The following PRKN variants were observed in gnomAD, a reference collection of about 807,000 sequenced individuals.
PRKN encodes E3 ubiquitin-protein ligase parkin.
A neutral mutation model predicts 59.5 loss-of-function variants in PRKN; 56 were observed. The ratio of observed to expected loss-of-function variants is 0.94; its 90% CI spans 0.76 to 1.18. The LOEUF is 1.18. Among genes scored for constraint, PRKN ranks in the 50% most tolerant of loss-of-function variants. The pLI, the probability that PRKN is intolerant of heterozygous loss-of-function variation, is 0.00. For missense variants in PRKN, 657 were observed against 596.4 expected (o/e 1.10, Z -1.06); for synonymous variants, 250 against 222.1 (o/e 1.13, Z -1.12).
chr6:161,932,139 T>TA lies in PRKN; in HGVS notation c.734+41162dup, dbSNP rs970296150. 4.3e-4 allele frequency among the ~76,000 whole-genome samples: 65 copies of TA among 152,068 alleles called. 1 individual carries two copies. Among genetic ancestry groups the TA allele is most frequent in the Admixed American group, 3.9e-3 (59 of 15,278 alleles). On this transcript the variant is annotated intron_variant, in intron 6 of 11. Coordinates refer to ENST00000366898, the MANE Select transcript of PRKN (RefSeq NM_004562.3). Reference sequence around the variant, plus strand: ...TTATTATAAAAAATTCAGAAATATTTAAAAAAATCTCAGTTAACATAATTA... The same window carrying TA: ...TTATTATAAAAAATTCAGAAATATTTAAAAAAAATCTCAGTTAACATAATTA...
chr6:162,010,520 TATATA>T lies in PRKN; in HGVS notation c.619-37108_619-37104del, dbSNP rs1470583815. Among the ~76,000 whole-genome samples, 2 of 24,848 alleles carry T rather than the reference TATATA, an allele frequency of 8.0e-5. 1 individual carries two copies. The highest frequency in any genetic ancestry group is 1.1e-4 in the Non-Finnish European group (2 of 17,698). 16.3% of individuals were successfully genotyped at this position (24,848 alleles called of 152,430 possible). A position where few individuals can be genotyped will look rare whatever the true frequency, so the allele number is the denominator to read the frequency against. The stretch of plus-strand genomic sequence containing the variant: ...TTATATAATATATTATATTATATAT[TATATA>T]ATATATTATATAATGTATTATATTA... On this transcript the variant is annotated intron_variant, in intron 5 of 11. Coordinates refer to ENST00000366898, the MANE Select transcript of PRKN (RefSeq NM_004562.3).
In PRKN at chr6:161,832,800, C is replaced by T. The variant is rs1792563007; in HGVS notation, c.735-46892G>A. Among the ~76,000 whole-genome samples the T allele has an allele frequency of 3.9e-5, 6 of 152,062 alleles. No individual in the cohort carries two copies. The South Asian group carries it at 1.2e-3, about 32-fold the overall frequency. ...TTCTCTACGGTCTGTCTGGAGAAAGCTTTGTGGCGGCGCCTGTGCCCTGCA... is the reference window on the plus strand; with the variant it reads ...TTCTCTACGGTCTGTCTGGAGAAAGTTTTGTGGCGGCGCCTGTGCCCTGCA... On this transcript the variant is annotated intron_variant, in intron 6 of 11. Coordinates refer to ENST00000366898, the MANE Select transcript of PRKN (RefSeq NM_004562.3).
chr6:162,406,772 C>T (rs1438419577), intron 2 of PRKN, among the ~76,000 whole-genome samples: 4 of 152,150 alleles, frequency 2.6e-5, no homozygotes, highest in African/African-American at 9.7e-5. Context: ...CTTCTCCTCC[C>T]CTCTTCCACA....
chr6:162,482,096 AAC>A (rs1562319909), intron 1 of PRKN, among the ~76,000 whole-genome samples: 1 of 152,132 alleles, frequency 6.6e-6, no homozygotes. Context: ...TGCCCAGAAT[AAC>A]TATGTTTACT....
intron 4 of PRKN, among the ~76,000 whole-genome samples, chr6:162,101,350 T>C (rs1779961485): frequency 6.6e-6 from 1 of 151,510 alleles, no homozygotes; most frequent in South Asian, 2.1e-4. Context: ...TTCCCCGTTA[T>C]GTATTCTTGG....
At chr6:162,563,929 T>A (rs938442945) in intron 1 of PRKN, among the ~76,000 whole-genome samples, 86 of 150,860 alleles carry the variant, frequency 5.7e-4, no homozygotes, top group African/African-American at 2.1e-3. Context: ...CAAGGAGAAG[T>A]AAGAATTAGT....
intron 2 of PRKN, among the ~76,000 whole-genome samples, chr6:162,313,012 T>C (rs536110733): frequency 9.8e-5 from 15 of 152,298 alleles, no homozygotes; most frequent in Admixed American, 3.9e-4. Context: ...ATAATCTTGA[T>C]TGACCTATGC....
intron 7 of PRKN, among the ~76,000 whole-genome samples, chr6:161,727,638 A>G (rs771594217): frequency 4.6e-5 from 7 of 152,200 alleles, no homozygotes; most frequent in Non-Finnish European, 7.3e-5. Flanking sequence ...TCTACTTCAC[A>G]GGGAGGGACA....
chr6:162,369,088 T>G lies in PRKN; in HGVS notation c.171+74222A>C, dbSNP rs548336103. ...TGAAATAAAGCATAAGCTTGTTGGT[T>G]GCAAAGGTGACATATAGTAAGTCAA... On this transcript the variant is annotated intron_variant, in intron 2 of 11. Coordinates refer to ENST00000366898, the MANE Select transcript of PRKN (RefSeq NM_004562.3). Among the ~76,000 whole-genome samples, 19 of 152,324 alleles carry G rather than the reference T, an allele frequency of 1.2e-4. 1 individual carries two copies. In the South Asian group the frequency reaches 3.9e-3, roughly 32 times the overall value.
chr6:162,499,704 T>C (rs999434072), intron 1 of PRKN, among the ~76,000 whole-genome samples: 5 of 152,210 alleles, frequency 3.3e-5, no homozygotes, highest in African/African-American at 1.2e-4. Flanking sequence ...GCTCTGTGGC[T>C]ACCTGACATT....
chr6:162,449,620 T>C (rs1403226356), intron 1 of PRKN, among the ~76,000 whole-genome samples: 1 of 152,184 alleles, frequency 6.6e-6, no homozygotes, highest in African/African-American at 2.4e-5. Flanking sequence ...TGCATACTCA[T>C]TTAGCACTTG....
chr6:162,465,974 T>C (rs1228101685), intron 1 of PRKN, among the ~76,000 whole-genome samples: 1 of 152,220 alleles, frequency 6.6e-6, no homozygotes, highest in East Asian at 1.9e-4. Flanking sequence ...TATCATGTTA[T>C]TTCTTAAGAC....
chr6:161,992,986 A>C (rs1365185456), intron 5 of PRKN, among the ~76,000 whole-genome samples: 1 of 152,138 alleles, frequency 6.6e-6, no homozygotes, highest in Non-Finnish European at 1.5e-5. Flanking sequence ...ATAGCAATAA[A>C]CACCTACATC....
chr6:162,325,359 G>A (rs554079098), intron 2 of PRKN, among the ~76,000 whole-genome samples: 1 of 152,040 alleles, frequency 6.6e-6, no homozygotes, highest in Non-Finnish European at 1.5e-5. Context: ...TCTTAGTCTT[G>A]GGTAAAATTT....
intron 1 of PRKN, among the ~76,000 whole-genome samples, chr6:162,633,788 T>C (rs1173169043): frequency 6.6e-6 from 1 of 151,934 alleles, no homozygotes; most frequent in East Asian, 1.9e-4. Context: ...GATGGCAGGA[T>C]GAAGCGAGGG....
intron 4 of PRKN, among the ~76,000 whole-genome samples, chr6:162,184,634 T>C (rs1281830584): frequency 3.9e-5 from 6 of 152,160 alleles, no homozygotes; most frequent in African/African-American, 1.4e-4. Flanking sequence ...TGCGGAACTG[T>C]GAGTCAGTCA....
chr6:162,241,322 C>T (rs2128091619), intron 3 of PRKN, among the ~76,000 whole-genome samples: 1 of 152,142 alleles, frequency 6.6e-6, no homozygotes, highest in South Asian at 2.1e-4. Flanking sequence ...TATATAACTG[C>T]TAACGCAAAC....
intron 1 of PRKN, among the ~76,000 whole-genome samples, chr6:162,721,385 A>G (rs1475292500): frequency 1.3e-5 from 2 of 152,238 alleles, no homozygotes; most frequent in African/African-American, 4.8e-5. Flanking sequence ...TTTCTAAAAT[A>G]CAACCTGTTC....
At chr6:162,155,560 G>C (rs1029062780) in intron 4 of PRKN, among the ~76,000 whole-genome samples, 1 of 152,098 alleles carries the variant, frequency 6.6e-6, no homozygotes, top group Non-Finnish European at 1.5e-5. Flanking sequence ...TTCAGCGTCA[G>C]AGACAGCAAG....
Sources: allele counts gnomAD v4.1 joint callset (sites outside exome capture counted in the v4.1 genomes callset), GRCh38; gene constraint gnomAD v4.1.1; transcripts MANE v1.5; gene names NCBI Gene and HGNC (gene_info 2026-07-23, HGNC 2026-07-21).